RBFOX1: variants seen among roughly 807,000 people sequenced by gnomAD.
The protein encoded by RBFOX1 is RNA binding fox-1 homolog 1, also known as RNA binding protein fox-1 homolog 1.
A neutral mutation model predicts 57.7 loss-of-function variants in RBFOX1; 8 were observed. The ratio of observed to expected loss-of-function variants is 0.14; its 90% confidence interval spans 0.08 to 0.25. The LOEUF (loss-of-function observed/expected upper bound fraction) is 0.25, where lower values mean the gene tolerates loss of function less well. RBFOX1 is among the 10% of genes least tolerant of loss of function. The probability of loss-of-function intolerance (pLI) is 1.00; values close to 1 mark genes in which losing one functional copy is unlikely to be tolerated. For synonymous variants in RBFOX1, 326 were observed against 222.4 expected (o/e 1.47, Z -4.15); for missense variants, 611 against 548.5 (o/e 1.11, Z -1.14).
rs558409415 is a variant in RBFOX1, at chr16:6,363,449, G to C, written c.-64+46392G>C. ...AATACTGTCAAAGGGACTGGAGACTGATCTCGAGATGTTCTAGCGTGGAAT... is the reference window on the plus strand; with the variant it reads ...AATACTGTCAAAGGGACTGGAGACTCATCTCGAGATGTTCTAGCGTGGAAT... On this transcript the variant is annotated intron_variant, in intron 2 of 15. Coordinates refer to ENST00000550418, the MANE Select transcript of RBFOX1 (RefSeq NM_018723.4). 2.0e-5 allele frequency among the ~76,000 whole-genome samples: 3 copies of C among 152,322 alleles called. No individual in the cohort carries two copies. In the East Asian group the frequency reaches 5.8e-4, roughly 29 times the overall value.
At chr16:6,837,715 A>G (rs910000011) in intron 3 of RBFOX1, among the ~76,000 whole-genome samples, 4 of 152,238 alleles carry the variant, frequency 2.6e-5, no homozygotes, top group African/African-American at 4.8e-5. Context: ...GCATTGTGCA[A>G]GTTCAGATAA....
At chr16:5,559,984 C>T (rs969015040) in intron 2 of RBFOX1, among the ~76,000 whole-genome samples, 5 of 152,150 alleles carry the variant, frequency 3.3e-5, no homozygotes, top group East Asian at 1.9e-4. Context: ...ATATTCTATC[C>T]GTCTCCCTAA....
At chr16:7,431,124 C>T (rs1188314636) in intron 4 of RBFOX1, 3 of 152,338 alleles carry the variant, frequency 2.0e-5, no homozygotes, top group Non-Finnish European at 4.4e-5. Flanking sequence ...TAATTATCTA[C>T]TGTGTGCCAT....
At chr16:7,061,044 G>A (rs2054100237) in intron 4 of RBFOX1, among the ~76,000 whole-genome samples, 3 of 151,652 alleles carry the variant, frequency 2.0e-5, no homozygotes, top group Non-Finnish European at 4.4e-5. Context: ...GTGTGTACGT[G>A]CACGTGCACA....
At chr16:7,236,521 A>G (rs561366095) in intron 4 of RBFOX1, among the ~76,000 whole-genome samples, 11 of 152,192 alleles carry the variant, frequency 7.2e-5, no homozygotes, top group Admixed American at 1.3e-4. Flanking sequence ...TTAGGATTCT[A>G]CTTTTGGCAT....
intron 1 of RBFOX1, among the ~76,000 whole-genome samples, chr16:6,212,767 C>T (rs533667757): frequency 4.6e-5 from 7 of 151,900 alleles, no homozygotes; most frequent in African/African-American, 1.4e-4. Flanking sequence ...GAGTAATCTG[C>T]GTTTTTATAA....
At chr16:7,685,198 T>C (rs1373978147) in intron 14 of RBFOX1, among the ~76,000 whole-genome samples, 1 of 152,114 alleles carries the variant, frequency 6.6e-6, no homozygotes, top group African/African-American at 2.4e-5. Context: ...TCTACCCCGA[T>C]ATGCCATAAT....
chr16:6,905,288 T>A (rs1174243528), intron 3 of RBFOX1, among the ~76,000 whole-genome samples: 1 of 151,740 alleles, frequency 6.6e-6, no homozygotes, highest in Non-Finnish European at 1.5e-5. Flanking sequence ...CCTCAGTAGG[T>A]CATTCCTGTA....
chr16:7,135,534 A>C (rs916143790), intron 4 of RBFOX1, among the ~76,000 whole-genome samples: 1 of 152,276 alleles, frequency 6.6e-6, no homozygotes, highest in Non-Finnish European at 1.5e-5. Flanking sequence ...AGCAATAAGA[A>C]GATAATTAAG....
At chr16:6,558,663 A>T (rs575868068) in intron 2 of RBFOX1, among the ~76,000 whole-genome samples, 1 of 152,108 alleles carries the variant, frequency 6.6e-6, no homozygotes, top group East Asian at 1.9e-4. Flanking sequence ...AAGATGGCTA[A>T]TTAAACAAAA....
rs557372510 is a variant in RBFOX1 at position 6,711,648 on chromosome 16, C to A, written c.-16+56998C>A. ...TGATTGTAAGTTTCTCGAGGCTTCC[C>A]CATCCGTGTGGAACTGTGAATCAGT... On this transcript the variant is annotated intron_variant, in intron 3 of 15. Coordinates refer to ENST00000550418, the MANE Select transcript of RBFOX1 (RefSeq NM_018723.4). Among the ~76,000 whole-genome samples the A allele has an allele frequency of 3.3e-5, 5 of 152,300 alleles. No homozygotes were observed. In the East Asian group the frequency reaches 9.7e-4, roughly 29 times the overall value.
intron 4 of RBFOX1, among the ~76,000 whole-genome samples, chr16:7,330,472 C>CTGTG (rs71391624): frequency 0.015 from 1,411 of 94,376 alleles, 8 homozygotes; most frequent in Middle Eastern, 0.039. Context: ...ATGGAGAGCT[C>CTGTG]TGTGTGTGTG....
chr16:6,743,594 T>C (rs1177739723), intron 3 of RBFOX1, among the ~76,000 whole-genome samples: 2 of 151,456 alleles, frequency 1.3e-5, no homozygotes, highest in Non-Finnish European at 2.9e-5. Context: ...ATTTAAAAAT[T>C]GAAGTGAGCA....
chr16:7,333,666 T>G (rs1369484643), intron 4 of RBFOX1, among the ~76,000 whole-genome samples: 1 of 152,210 alleles, frequency 6.6e-6, no homozygotes, highest in African/African-American at 2.4e-5. Context: ...TACATCTTAA[T>G]GATGGCAAGA....
chr16:7,696,062 G>A (rs1181361177), intron 14 of RBFOX1, among the ~76,000 whole-genome samples: 2 of 152,122 alleles, frequency 1.3e-5, no homozygotes, highest in Admixed American at 6.6e-5. Flanking sequence ...CTTTTACGTG[G>A]GTCTTGTGTC....
chr16:7,328,997 C>T (rs1324010277), intron 4 of RBFOX1, among the ~76,000 whole-genome samples: 2 of 152,046 alleles, frequency 1.3e-5, no homozygotes, highest in Non-Finnish European at 2.9e-5. Flanking sequence ...ATTTTGTGAC[C>T]TGTAAAAATG....
At chr16:5,664,823 C>T (rs1429167824) in intron 3 of RBFOX1, among the ~76,000 whole-genome samples, 1 of 152,164 alleles carries the variant, frequency 6.6e-6, no homozygotes, top group Non-Finnish European at 1.5e-5. Context: ...CCTCCTCTGG[C>T]TTCTCATTGT....
intron 5 of RBFOX1, among the ~76,000 whole-genome samples, chr16:7,568,137 G>A (rs1177645423): frequency 2.0e-5 from 3 of 152,054 alleles, no homozygotes; most frequent in African/African-American, 7.2e-5. Flanking sequence ...AATTCGAGGT[G>A]AATCCATCAA....
chr16:5,909,870 T>C lies in RBFOX1; in HGVS notation c.351+42535T>C, dbSNP rs568227867. Among the ~76,000 whole-genome samples the C allele has an allele frequency of 7.2e-4, 110 of 152,144 alleles. 1 individual carries two copies. Among genetic ancestry groups the C allele is most frequent in the African/African-American group, 2.5e-3 (103 of 41,510 alleles). On this transcript the variant is annotated intron_variant, in intron 4 of 19. Coordinates refer to the RBFOX1 transcript ENST00000641259. ...AGTTTCGAGACCAGCCTGACCAATA[T>C]GGTGAAACCCCGTCTCCACTAAAAA...
Sources: allele counts gnomAD v4.1 joint callset (sites outside exome capture counted in the v4.1 genomes callset), GRCh38; gene constraint gnomAD v4.1.1; transcripts MANE v1.5; gene names NCBI Gene and HGNC (gene_info 2026-07-23, HGNC 2026-07-21).